The following ZIM2 variants were observed in gnomAD, a reference collection of about 807,000 sequenced individuals.
ZIM2 encodes the protein zinc finger imprinted 2, also known as zinc finger protein 656.
In ZIM2, 14 loss-of-function variants were observed where a neutral mutation model predicts 38.6. The observed-to-expected ratio is 0.36, with a 90% CI of 0.24 to 0.57. ZIM2 has a LOEUF of 0.57. ZIM2 is among the 20% of genes least tolerant of loss of function. ZIM2 has a pLI of 0.81. For synonymous variants in ZIM2, 247 were observed against 245.8 expected, an observed-to-expected ratio of 1.00 and a Z score of -0.04; for missense variants, 680 against 695.1, an observed-to-expected ratio of 0.98 and a Z score of 0.24.
At chr19:56,789,814 A>T (rs1373955038) in intron 10 of ZIM2, 58 bp downstream of exon 10, 16 of 1,398,242 alleles carry the variant, frequency 1.1e-5, no homozygotes, top group Non-Finnish European at 1.5e-5. Flanking sequence ...GAAGTCCACA[A>T]ATTAGGAAGA....
chr19:56,838,709 C>T (rs1245498904), intron 1 of ZIM2, among the ~76,000 whole-genome samples: 2 of 152,222 alleles, frequency 1.3e-5, no homozygotes, highest in Non-Finnish European at 2.9e-5. Context: ...TTAGGCACGT[C>T]TCCCGGCTCC....
At chr19:56,776,451 G>A (rs1036005743) in intron 12 of ZIM2, among the ~76,000 whole-genome samples, 3 of 152,222 alleles carry the variant, frequency 2.0e-5, no homozygotes, top group African/African-American at 7.2e-5. Flanking sequence ...GGTACAGAAT[G>A]TGGCATTTCT....
At chr19:56,794,496 A>G (rs1346100308) in intron 9 of ZIM2, among the ~76,000 whole-genome samples, 1 of 152,228 alleles carries the variant, frequency 6.6e-6, no homozygotes, top group East Asian at 1.9e-4. Flanking sequence ...TCCATTAGAA[A>G]TCATAACGTA....
intron 1 of ZIM2, among the ~76,000 whole-genome samples, chr19:56,839,149 G>T (rs2062619599): frequency 6.6e-6 from 1 of 152,026 alleles, no homozygotes; most frequent in Non-Finnish European, 1.5e-5. Context: ...CAGGTGGGTG[G>T]GGCTTGAACA....
chr19:56,777,035 A>AG (rs2046054037), intron 12 of ZIM2, among the ~76,000 whole-genome samples: 1 of 152,208 alleles, frequency 6.6e-6, no homozygotes, highest in African/African-American at 2.4e-5. Context: ...GCTGATAAAA[A>AG]GTCTGTGCTT....
chr19:56,815,353 C>T (rs36044899), intron 9 of ZIM2: 24,136 of 1,614,142 alleles, frequency 0.015, 246 homozygotes, highest in Middle Eastern at 0.022. Context: ...ACATTTGTTC[C>T]GCGCTTGCTC....
chr19:56,810,456 C>G, intron 9 of ZIM2: 3 of 984,350 alleles, frequency 3.0e-6, no homozygotes, highest in Non-Finnish European at 2.4e-6. Flanking sequence ...CACTAACACC[C>G]TAATAATCAC....
chr19:56,827,598 A>G (rs1287057662), intron 2 of ZIM2, among the ~76,000 whole-genome samples: 6 of 152,236 alleles, frequency 3.9e-5, no homozygotes, highest in Non-Finnish European at 7.3e-5. Flanking sequence ...ATCAAAATTA[A>G]AAGTGCACAT....
chr19:56,834,834 G>A (rs907467180), intron 2 of ZIM2, among the ~76,000 whole-genome samples: 2 of 152,108 alleles, frequency 1.3e-5, no homozygotes, highest in African/African-American at 2.4e-5. Flanking sequence ...CTTGTGATGG[G>A]AGTTTCCATT....
chr19:56,778,158 C>T (rs959609810), intron 12 of ZIM2, among the ~76,000 whole-genome samples: 1 of 152,138 alleles, frequency 6.6e-6, no homozygotes, highest in Non-Finnish European at 1.5e-5. Flanking sequence ...ACTACTGCCC[C>T]CATTAGAATG....
intron 3 of ZIM2, 40 bp downstream of exon 3, chr19:56,826,348 T>C (rs1568688579): frequency 6.6e-6 from 1 of 152,196 alleles, no homozygotes; most frequent in Non-Finnish European, 1.5e-5. Flanking sequence ...ATACTAGCCC[T>C]CATCCTCAGG....
intron 2 of ZIM2, among the ~76,000 whole-genome samples, chr19:56,827,946 C>CA (rs1193022589): frequency 6.6e-6 from 1 of 152,152 alleles, no homozygotes; most frequent in African/African-American, 2.4e-5. Flanking sequence ...AACTAGGGGT[C>CA]AGGAAAGGGA....
chr19:56,824,069 G>A (rs779981073), intron 4 of ZIM2, among the ~76,000 whole-genome samples, 193 bp downstream of exon 4: 5 of 152,176 alleles, frequency 3.3e-5, no homozygotes, highest in Admixed American at 6.5e-5. Context: ...CTGGGCATGT[G>A]TGGAGACACT....
intron 2 of ZIM2, among the ~76,000 whole-genome samples, chr19:56,830,358 G>A (rs1048286962): frequency 2.6e-5 from 4 of 152,234 alleles, no homozygotes; most frequent in Admixed American, 2.6e-4. Flanking sequence ...GGGAAGGGGA[G>A]CCCACAAGCA....
At chr19:56,838,849 G>T (rs986906162) in intron 1 of ZIM2, among the ~76,000 whole-genome samples, 1 of 152,152 alleles carries the variant, frequency 6.6e-6, no homozygotes, top group Non-Finnish European at 1.5e-5. Context: ...CCGTGGCCCC[G>T]CCCCTCCCTG....
At chr19:56,829,538 A>T (rs1293328710) in intron 2 of ZIM2, among the ~76,000 whole-genome samples, 1 of 152,188 alleles carries the variant, frequency 6.6e-6, no homozygotes, top group Non-Finnish European at 1.5e-5. Context: ...ATGTAACCAC[A>T]GTCCTAACAC....
At chr19:56,777,617 A>G (rs1223307810) in intron 12 of ZIM2, among the ~76,000 whole-genome samples, 1 of 152,256 alleles carries the variant, frequency 6.6e-6, no homozygotes, top group Non-Finnish European at 1.5e-5. Context: ...CACAGTAGCC[A>G]TTAGCCACAT....
intron 2 of ZIM2, among the ~76,000 whole-genome samples, chr19:56,832,803 A>G (rs908889460): frequency 1.3e-5 from 2 of 152,326 alleles, no homozygotes; most frequent in East Asian, 1.9e-4. Flanking sequence ...ATGTCTAAAC[A>G]TGAAACCTCT....
At chr19:56,815,690 T>C (rs747309173) in intron 9 of ZIM2, 1 of 1,614,152 alleles carries the variant, frequency 6.2e-7, no homozygotes. Flanking sequence ...TCGCCATCCT[T>C]CTTAAACTCA....
Sources: allele counts gnomAD v4.1 joint callset (sites outside exome capture counted in the v4.1 genomes callset), GRCh38; gene constraint gnomAD v4.1.1; transcripts MANE v1.5; gene names NCBI Gene and HGNC (gene_info 2026-07-23, HGNC 2026-07-21).